Variants in PITPNM1 observed in about 807,000 individuals in gnomAD.
The protein encoded by PITPNM1 is phosphatidylinositol transfer protein membrane associated 1, also known as membrane-associated phosphatidylinositol transfer protein 1.
A neutral mutation model predicts 133.3 loss-of-function variants in PITPNM1; 74 were observed. That is an observed-to-expected ratio of 0.56 (90% CI 0.46 to 0.67). PITPNM1 has a LOEUF of 0.67. PITPNM1 is among the 30% of genes least tolerant of loss of function. PITPNM1 has a pLI of 0.00. For missense variants in PITPNM1, 1,398 were observed against 1,739.5 expected (o/e 0.80, Z 3.49); for synonymous variants, 738 against 741.4 (o/e 1.00, Z 0.08).
At position 67,497,450 on chromosome 11, in the gene PITPNM1, G is replaced by T; in HGVS notation, c.1941-14C>A. The T allele has an allele frequency of 6.3e-7, 1 of 1,592,188 alleles. No homozygotes were observed. The highest frequency in any genetic ancestry group is 8.6e-7 in the Non-Finnish European group (1 of 1,167,436). On this transcript the variant is annotated splice_polypyrimidine_tract_variant and intron_variant, in intron 13 of 23. Transcript: ENST00000356404. ...GCTGCCTGAAGGCTGTGGGGGAGGA[G>T]GGGTGCTCAGTGCTGCTGCCTCTGT...
rs1476094376 is a variant in PITPNM1 at position 67,492,284 on chromosome 11, C to T, written c.3484G>A (p.Gly1162Ser). Residue 1162 changes from glycine (G) to serine (S), a missense_variant, in exon 24 of 24, where the codon GGC becomes AGC. Physicochemically the swap from Gly to Ser is moderately conservative, Grantham distance 56. Transcript: ENST00000356404. ...AGCTGGCCCAGGTGGGCCACATAGC[C>T]GTCTGACAGGAACTGTGGGCAGAGG... is the stretch of plus-strand genomic sequence containing the variant. ...LQAQCQFLSD[G>S]YVAHLGQLEA... 8 of 1,574,492 alleles carry T rather than the reference C, an allele frequency of 5.1e-6. No homozygotes were observed. Among genetic ancestry groups the T allele is most frequent in the East Asian group, 2.3e-5 (1 of 44,354 alleles).
rs974466904 is a variant in PITPNM1 at position 67,493,834 on chromosome 11, G to T, written c.3012C>A (p.Gly1004=). ...GGCAGCATTCGGCATAGGTGTGGTCGCCCCTGCGGCCCACGGGGCGGGGCG... is the reference window on the plus strand; with the variant it reads ...GGCAGCATTCGGCATAGGTGTGGTCTCCCCTGCGGCCCACGGGGCGGGGCG... ...GVYPVRMVVR[G]DHTYAECCLT... Residue 1004 remains glycine, a synonymous_variant, in exon 21 of 24, where the codon GGC becomes GGA. Transcript: ENST00000356404. 6.5e-7 allele frequency: 1 copy of T among 1,539,172 alleles called. No homozygotes were observed. The highest frequency in any genetic ancestry group is 1.4e-5 in the African/African-American group (1 of 73,150).
rs147151997 is a variant in PITPNM1, at chr11:67,497,003, C to T, written c.2146+228G>A. 535 of 435,148 alleles carry T rather than the reference C, an allele frequency of 1.2e-3. 1 individual carries two copies. In the Middle Eastern group the frequency reaches 0.013, roughly 11 times the overall value. 27.0% of individuals were successfully genotyped at this position (435,148 alleles called of 1,614,324 possible). A position where few individuals can be genotyped will look rare whatever the true frequency, so the allele number is the denominator to read the frequency against. On this transcript the variant is annotated intron_variant, in intron 14 of 23. Coordinates refer to ENST00000356404, the MANE Select transcript of PITPNM1 (RefSeq NM_004910.3). The stretch of plus-strand genomic sequence containing the variant: ...TGCTGTGGTGTCTGATTGACCCCTT[C>T]TAGTGCAGAACATCCCACGGGTGTG...
upstream of PITPNM1, among the ~76,000 whole-genome samples, chr11:67,505,660 G>T (rs1361779995): frequency 2.6e-5 from 4 of 152,190 alleles, no homozygotes; most frequent in Admixed American, 6.5e-5. This position sits in a 1 kb window ranked among gnomAD's most constrained non-coding sequence, Gnocchi z 5.8. Flanking sequence ...GGGGGTCCCA[G>T]GCCCACTCTC....
intron 18 of PITPNM1, 23 bp downstream of exon 18, chr11:67,494,823 G>GGACGAGC: frequency 1.3e-6 from 1 of 769,748 alleles, no homozygotes; most frequent in Non-Finnish European, 2.1e-6. Flanking sequence ...AGTGGGCGAG[G>GGACGAGC]GGGCGAGGGG....
intron 16 of PITPNM1, 65 bp from the exon 17 acceptor site, chr11:67,495,290 G>A: frequency 2.7e-6 from 4 of 1,507,364 alleles, no homozygotes; most frequent in Non-Finnish European, 3.6e-6. Flanking sequence ...TGGGCGCTGG[G>A]TGCTCTTCCC....
At chr11:67,505,666 C>T (rs1866484859), upstream of PITPNM1, among the ~76,000 whole-genome samples, 1 of 152,190 alleles carries the variant, frequency 6.6e-6, no homozygotes, top group Non-Finnish European at 1.5e-5. This position sits in a 1 kb window ranked among gnomAD's most constrained non-coding sequence, Gnocchi z 5.8. Context: ...CCCAGGCCCA[C>T]TCTCCTCTTC....
Position 67,498,240 on chromosome 11 carries a change from T to C in PITPNM1, c.1567A>G (p.Thr523Ala). Residue 523 changes from threonine to alanine, a missense_variant, in exon 11 of 24, where the codon ACC (threonine) becomes GCC (alanine). Thr to Ala is a moderately conservative substitution (Grantham distance 58). Transcript: ENST00000356404. The surrounding 1 kb of genome is among the most constrained non-coding windows in gnomAD (Gnocchi z 5.7). Reference protein sequence around the residue: ...IPLAALPLLATSSSRYQGAVA... With the variant: ...IPLAALPLLAASSSRYQGAVA... ...GCGCCCTGGTAGCGGGAGGATGAGG[T>C]GGCCAGCAGTGGCAGGGCAGCCAGT... 6.2e-7 allele frequency: 1 copy of C among 1,611,780 alleles called. No individual in the cohort carries two copies. The highest frequency in any genetic ancestry group is 8.5e-7 in the Non-Finnish European group (1 of 1,179,362).
rs1231705473 is a variant in PITPNM1 at position 67,492,212 on chromosome 11, C to A, written c.3556G>T (p.Ala1186Ser). ...SHASSGPPRA[A>S]LGKSSYGVAA... is the part of the protein sequence containing the mutation. ...ACACCATAGCTGCTCTTGCCCAAGG[C>A]AGCTCTCGGGGGTCCCGAGGAGGCA... The change falls in exon 24 of 24, where the codon GCC (alanine) becomes TCC (serine). Residue 1186 changes from alanine (A) to serine (S), a missense_variant. By Grantham distance (99) the Ala-to-Ser change is moderately conservative. Transcript: ENST00000356404. 1 of 1,610,634 alleles carries A rather than the reference C, an allele frequency of 6.2e-7. No individual in the cohort carries two copies. Among genetic ancestry groups the A allele is most frequent in the Admixed American group, 1.7e-5 (1 of 59,954 alleles).
Position 67,502,743 on chromosome 11 carries a change from A to G in PITPNM1, c.79-25T>C, listed in dbSNP as rs1329646378. ...TCTGTGGCCCAAGGGAGAGCAGGAC[A>G]GGGAGCTCAGCCCCAGCTTAGCATC... is the stretch of plus-strand genomic sequence containing the variant. On this transcript the variant is annotated intron_variant, in intron 2 of 23. Coordinates refer to ENST00000356404, the MANE Select transcript of PITPNM1 (RefSeq NM_004910.3). The surrounding 1 kb of genome is among the most constrained non-coding windows in gnomAD (Gnocchi z 5.9). 1 of 1,600,914 alleles carries G rather than the reference A, an allele frequency of 6.2e-7. No homozygotes were observed. The highest frequency in any genetic ancestry group is 8.5e-7 in the Non-Finnish European group (1 of 1,169,978).
At chr11:67,495,740 C>T in intron 15 of PITPNM1, 138 bp from the exon 16 acceptor site, 1 of 820,246 alleles carries the variant, frequency 1.2e-6, no homozygotes, top group South Asian at 2.1e-5. Context: ...GTGGCATTCT[C>T]TCCTCTCAGC....
chr11:67,500,390 G>GT lies in PITPNM1; in HGVS notation c.671_672insA (p.Gln225ProfsTer8). Reference sequence around the variant, plus strand: ...ACTCATCCTGCCAGCACCAGGCCTGGCGGTGGGCCCGCAGCATCACCCGAC... The same window carrying GT: ...ACTCATCCTGCCAGCACCAGGCCTGGTCGGTGGGCCCGCAGCATCACCCGAC... On this transcript the variant is annotated frameshift_variant, in exon 6 of 24. Coordinates refer to ENST00000356404, the MANE Select transcript of PITPNM1 (RefSeq NM_004910.3). LOFTEE classifies it high-confidence loss of function. 2 of 1,611,398 alleles carry GT rather than the reference G, an allele frequency of 1.2e-6. No individual in the cohort carries two copies. The highest frequency in any genetic ancestry group is 1.7e-6 in the Non-Finnish European group (2 of 1,179,820).
chr11:67,493,273 C>G, intron 22 of PITPNM1, 137 bp downstream of exon 22: 1 of 1,112,558 alleles, frequency 9.0e-7, no homozygotes, highest in Non-Finnish European at 1.3e-6. Flanking sequence ...GGGAGCAGGA[C>G]CGTAGCGGGC....
chr11:67,500,242 G>A lies in PITPNM1; in HGVS notation c.820C>T (p.Pro274Ser), dbSNP rs374590305. 33 of 1,605,696 alleles carry A rather than the reference G, an allele frequency of 2.1e-5. No homozygotes were observed. Among genetic ancestry groups the A allele is most frequent in the South Asian group, 1.1e-5 (1 of 91,080 alleles). ...GCCGCAGACCGGGCCTCGGTGCTCG[G>A]TTTCCCGGGGGGCTGGGCCTCGGAC... Reference protein sequence around the residue: ...EGSEAQPPGKPSTEARSAASN... With the variant: ...EGSEAQPPGKSSTEARSAASN... Residue 274 changes from proline (P) to serine (S), a missense_variant, in exon 6 of 24, where the codon CCG becomes TCG. Pro to Ser is a moderately conservative substitution (Grantham distance 74). Coordinates refer to ENST00000356404, the MANE Select transcript of PITPNM1 (RefSeq NM_004910.3).
upstream of PITPNM1, chr11:67,505,378 A>C (rs1309354298): frequency 6.6e-6 from 1 of 151,402 alleles, no homozygotes; most frequent in East Asian, 2.0e-4. The surrounding 1 kb of genome is among the most constrained non-coding windows in gnomAD (Gnocchi z 5.8). Context: ...TCCCTCCCCG[A>C]CGCCCGCCGC....
In PITPNM1 at chr11:67,498,856, A is replaced by C. The variant is rs199607704; in HGVS notation, c.1234-10T>G. ...CGGCTCCATCCAGGCCCTGGGGGGA[A>C]CAATGGGGTGCAGTGGGTGTCACAG... On this transcript the variant is annotated splice_polypyrimidine_tract_variant and intron_variant, in intron 9 of 23. Coordinates refer to ENST00000356404, the MANE Select transcript of PITPNM1 (RefSeq NM_004910.3). This position sits in a 1 kb window ranked among gnomAD's most constrained non-coding sequence, Gnocchi z 5.7. 6.2e-7 allele frequency: 1 copy of C among 1,609,092 alleles called. No individual in the cohort carries two copies. The highest frequency in any genetic ancestry group is 1.3e-5 in the African/African-American group (1 of 74,936).
rs769117373 is a variant in PITPNM1 at position 67,492,129 on chromosome 11, G to A, written c.3639C>T (p.Pro1213=). The A allele has an allele frequency of 1.5e-5, 24 of 1,611,976 alleles. No homozygotes were observed. The highest frequency in any genetic ancestry group is 2.0e-5 in the Non-Finnish European group (24 of 1,179,828). ...CCGGGCCCTCACGCTCCGCCTGGCT[G>A]GGGCCCCTCGAGCGAAGCAGCTGGC... ...KQSQLLRSRG[P]SQAEREGPGT... is the part of the protein sequence containing the mutation. Residue 1213 remains proline (P), a synonymous_variant, in exon 24 of 24, where the codon CCC becomes CCT. Coordinates refer to ENST00000356404, the MANE Select transcript of PITPNM1 (RefSeq NM_004910.3).
rs1251984255 is a variant in PITPNM1 at position 67,491,939 on chromosome 11, G to C, written c.*94C>G. On this transcript the variant is annotated 3_prime_UTR_variant, in exon 24 of 24. Coordinates refer to ENST00000356404, the MANE Select transcript of PITPNM1 (RefSeq NM_004910.3). Reference sequence around the variant, plus strand: ...TGTGGGGCTGGGGGGGCCAGCGCTGGGGCCAAAAGTCTGGGTCCCCAGCCT... The same window carrying C: ...TGTGGGGCTGGGGGGGCCAGCGCTGCGGCCAAAAGTCTGGGTCCCCAGCCT... 13 of 1,422,128 alleles carry C rather than the reference G, an allele frequency of 9.1e-6. No homozygotes were observed. Among genetic ancestry groups the C allele is most frequent in the Non-Finnish European group, 1.2e-5 (13 of 1,046,854 alleles). 88.1% of individuals were successfully genotyped at this position (1,422,128 alleles called of 1,614,324 possible).
Position 67,498,489 on chromosome 11 carries a change from G to T in PITPNM1, c.1484+107C>A. ...CATTCTCCAGAACAGGTCCAGCCAT[G>T]CCAGTGACCGACCCAGGTGTCTGGC... On this transcript the variant is annotated intron_variant, in intron 10 of 23. Transcript: ENST00000356404. The surrounding 1 kb of genome is among the most constrained non-coding windows in gnomAD (Gnocchi z 5.7). The T allele has an allele frequency of 6.7e-7, 1 of 1,498,128 alleles. No individual in the cohort carries two copies. The highest frequency in any genetic ancestry group is 9.0e-7 in the Non-Finnish European group (1 of 1,112,296). The allele number at this position is 1,498,128 out of a possible 1,614,324, so 92.8% of individuals were successfully genotyped here. A position where few individuals can be genotyped will look rare whatever the true frequency, so the allele number is the denominator to read the frequency against.
Sources: allele counts gnomAD v4.1 joint callset (sites outside exome capture counted in the v4.1 genomes callset), GRCh38; gene constraint gnomAD v4.1.1; non-coding constraint Gnocchi (gnomAD v3.1); transcripts MANE v1.5; gene names NCBI Gene and HGNC (gene_info 2026-07-23, HGNC 2026-07-21).